SH3BGRL2: variants seen among roughly 807,000 people sequenced by gnomAD.
The protein encoded by SH3BGRL2 is SH3 domain binding glutamate rich protein like 2, also known as SH3 domain-binding glutamic acid-rich-like protein 2.
In SH3BGRL2, 21 loss-of-function variants were observed where a neutral mutation model predicts 14.8. The ratio of observed to expected loss-of-function variants is 1.42; its 90% confidence interval spans 1.01 to 2.05. The LOEUF (loss-of-function observed/expected upper bound fraction) is 2.05. Ranked by LOEUF, SH3BGRL2 falls within the 30% of genes most tolerant of loss-of-function variation. SH3BGRL2 has a pLI of 0.00. For synonymous variants in SH3BGRL2, 50 were observed against 47.8 expected (o/e 1.05, Z -0.19); for missense variants, 147 against 130.8 (o/e 1.12, Z -0.61).
chr6:79,654,217 A>C (rs1284878478), intron 1 of SH3BGRL2, among the ~76,000 whole-genome samples: 1 of 152,220 alleles, frequency 6.6e-6, no homozygotes, highest in African/African-American at 2.4e-5. Context: ...ATCCTATTTT[A>C]TTCATTTATT....
chr6:79,577,202 T>C, the SH3BGRL2 span, among the ~76,000 whole-genome samples: 1 of 152,254 alleles, frequency 6.6e-6, no homozygotes, highest in Non-Finnish European at 1.5e-5. Context: ...TGTATGTTTC[T>C]GAACTTTCTA....
At chr6:79,539,886 A>G in the SH3BGRL2 span, among the ~76,000 whole-genome samples, 2 of 152,200 alleles carry the variant, frequency 1.3e-5, no homozygotes, top group African/African-American at 2.4e-5. Flanking sequence ...AAGTTCAGTC[A>G]TCTATTTCAT....
chr6:79,610,850 C>A, the SH3BGRL2 span, among the ~76,000 whole-genome samples: 1 of 152,122 alleles, frequency 6.6e-6, no homozygotes, highest in African/African-American at 2.4e-5. Flanking sequence ...TATCATCTGA[C>A]AGATAAAAGC....
the SH3BGRL2 span, among the ~76,000 whole-genome samples, chr6:79,538,907 A>G: frequency 1.3e-5 from 2 of 152,236 alleles, no homozygotes; most frequent in Admixed American, 1.3e-4. Context: ...ATCTACCACA[A>G]GGTACGAAAG....
chr6:79,599,408 G>A, the SH3BGRL2 span, among the ~76,000 whole-genome samples: 2 of 141,098 alleles, frequency 1.4e-5, no homozygotes. Flanking sequence ...TCTCACTCTC[G>A]TCACCCAGGC....
chr6:79,620,639 A>T, the SH3BGRL2 span, among the ~76,000 whole-genome samples: 1 of 152,046 alleles, frequency 6.6e-6, no homozygotes, highest in African/African-American at 2.4e-5. Flanking sequence ...GGGTCCTCAG[A>T]GAGAAAAAGA....
chr6:79,581,630 G>T, the SH3BGRL2 span, among the ~76,000 whole-genome samples: 2 of 152,062 alleles, frequency 1.3e-5, no homozygotes, highest in South Asian at 4.2e-4. Context: ...TGTATTGATG[G>T]AACATATCTC....
At chr6:79,537,635 G>C in the SH3BGRL2 span, among the ~76,000 whole-genome samples, 1 of 152,194 alleles carries the variant, frequency 6.6e-6, no homozygotes, top group African/African-American at 2.4e-5. Context: ...AGCGCTCCAG[G>C]CTCCTACGGG....
At chr6:79,697,861 T>G (rs1422410102) in intron 3 of SH3BGRL2, among the ~76,000 whole-genome samples, 3 of 152,190 alleles carry the variant, frequency 2.0e-5, no homozygotes, top group African/African-American at 7.2e-5. Context: ...CGGGCATCAT[T>G]GTCTATGCAA....
intron 2 of SH3BGRL2, among the ~76,000 whole-genome samples, chr6:79,687,376 A>G (rs1338233845): frequency 6.6e-6 from 1 of 152,032 alleles, no homozygotes; most frequent in African/African-American, 2.4e-5. Flanking sequence ...CTCTTGGGTA[A>G]GAGGGGAGGT....
chr6:79,589,272 A>G, the SH3BGRL2 span, among the ~76,000 whole-genome samples: 1 of 150,896 alleles, frequency 6.6e-6, no homozygotes, highest in Admixed American at 6.6e-5. Context: ...TGAGAGGCCA[A>G]CTATAATTGA....
chr6:79,592,992 T>C, the SH3BGRL2 span, among the ~76,000 whole-genome samples: 1 of 152,110 alleles, frequency 6.6e-6, no homozygotes, highest in Non-Finnish European at 1.5e-5. Context: ...TAACAGTGAT[T>C]GAGATATTTA....
intron 1 of SH3BGRL2, among the ~76,000 whole-genome samples, chr6:79,637,431 A>G (rs1160359994): frequency 6.6e-6 from 1 of 152,104 alleles, no homozygotes; most frequent in Non-Finnish European, 1.5e-5. Context: ...AGTGGCTCAT[A>G]CCTGTAATCC....
chr6:79,656,015 T>C (rs1769405630), intron 1 of SH3BGRL2, among the ~76,000 whole-genome samples: 1 of 152,236 alleles, frequency 6.6e-6, no homozygotes, highest in Non-Finnish European at 1.5e-5. Flanking sequence ...TGGACTTTTT[T>C]CTTCATCTTA....
At chr6:79,571,249 C>T in the SH3BGRL2 span, among the ~76,000 whole-genome samples, 1 of 152,198 alleles carries the variant, frequency 6.6e-6, no homozygotes, top group Non-Finnish European at 1.5e-5. Context: ...GAATGAACGT[C>T]TCTCCTTTCT....
the SH3BGRL2 span, among the ~76,000 whole-genome samples, chr6:79,586,464 C>T: frequency 6.6e-6 from 1 of 151,892 alleles, no homozygotes; most frequent in South Asian, 2.1e-4. Context: ...ATTCATAAAT[C>T]ATTTATACTT....
chr6:79,588,281 ACT>A, the SH3BGRL2 span, among the ~76,000 whole-genome samples: 3 of 103,822 alleles, frequency 2.9e-5, no homozygotes, highest in Non-Finnish European at 6.0e-5. Context: ...ACAGAACAAG[ACT>A]CTGTCTAAAA....
At chr6:79,613,676 G>C in the SH3BGRL2 span, among the ~76,000 whole-genome samples, 5 of 151,984 alleles carry the variant, frequency 3.3e-5, no homozygotes, top group Admixed American at 2.0e-4. Context: ...AGTGCATTCG[G>C]CTCACTGCAA....
chr6:79,686,268 TA>T (rs1396141728), intron 2 of SH3BGRL2, among the ~76,000 whole-genome samples: 2 of 152,186 alleles, frequency 1.3e-5, no homozygotes, highest in African/African-American at 4.8e-5. Flanking sequence ...ATCTGAAAAC[TA>T]GTGTCTTTTT....
Sources: gnomAD v4.1 joint callset for allele counts (sites outside exome capture counted in the v4.1 genomes callset) on GRCh38, gnomAD v4.1.1 for gene constraint, MANE v1.5 for transcripts, NCBI Gene and HGNC (gene_info 2026-07-23, HGNC 2026-07-21) for gene names.